DST: variants seen among roughly 807,000 people sequenced by gnomAD.
DST encodes the protein dystonin.
DST carries 253 observed loss-of-function variants against 875.2 expected under a neutral mutation model. The observed-to-expected ratio is 0.29, with a 90% CI of 0.26 to 0.32. The LOEUF (loss-of-function observed/expected upper bound fraction) is 0.32, where lower values mean the gene tolerates loss of function less well. Ranked by LOEUF, DST falls within the 10% of genes least tolerant of loss-of-function variation. DST has a pLI of 1.00. For missense variants in DST, 8,287 were observed against 9,111.6 expected, an observed-to-expected ratio of 0.91 and a Z score of 3.68; for synonymous variants, 3,124 against 3,197.1, an observed-to-expected ratio of 0.98 and a Z score of 0.77.
At chr6:56,551,852 G>A (rs1418059118) in intron 61 of DST, among the ~76,000 whole-genome samples, 1 of 152,230 alleles carries the variant, frequency 6.6e-6, no homozygotes, top group East Asian at 1.9e-4. Context: ...CTGCAATAGA[G>A]TTCAAAACAC....
rs188780330 is a variant in DST, at chr6:56,799,876, C to T, written c.625+51521G>A. 2.3e-4 allele frequency among the ~76,000 whole-genome samples: 35 copies of T among 152,222 alleles called. No homozygotes were observed. In the East Asian group the frequency reaches 3.5e-3, roughly 15 times the overall value. ...TGACTTCAAGTGATCCACCCCACCT[C>T]GGCCTCCCAACATGCTGGGATTACA... is the stretch of plus-strand genomic sequence containing the variant. On this transcript the variant is annotated intron_variant, in intron 4 of 103. Transcript: ENST00000680361.
intron 4 of DST, among the ~76,000 whole-genome samples, chr6:56,794,372 T>C (rs1194630585): frequency 6.6e-6 from 1 of 152,132 alleles, no homozygotes; most frequent in Non-Finnish European, 1.5e-5. Context: ...TTGACAGTAA[T>C]GGAATCTGTG....
chr6:56,665,325 C>A (rs1476342397), intron 10 of DST, among the ~76,000 whole-genome samples: 1 of 152,126 alleles, frequency 6.6e-6, no homozygotes, highest in Admixed American at 6.6e-5. Context: ...CTAAATTAAA[C>A]CCTCATTAAT....
At chr6:56,817,279 G>T (rs1186507603) in intron 4 of DST, among the ~76,000 whole-genome samples, 1 of 152,048 alleles carries the variant, frequency 6.6e-6, no homozygotes, top group African/African-American at 2.4e-5. Flanking sequence ...AACAAGAATA[G>T]AAATAGTTCT....
intron 3 of DST, among the ~76,000 whole-genome samples, chr6:56,883,321 T>C (rs1191420910): frequency 1.3e-5 from 2 of 152,260 alleles, no homozygotes; most frequent in Non-Finnish European, 2.9e-5. Flanking sequence ...GTCTATTTTA[T>C]ATTATTTGTT....
In DST at chr6:56,703,650, C is replaced by A. The variant is rs1014549815; in HGVS notation, c.874G>T (p.Gly292Trp). Reference protein sequence around the residue: ...QHEDVEDEDKGPREKGRMRFH... With the variant: ...QHEDVEDEDKWPREKGRMRFH... ...CAAGTTATGGGGGCGACACCTACCC[C>A]CTTATCCTCATCCTCCACATCCTCA... is the stretch of plus-strand genomic sequence containing the variant. Residue 292 changes from glycine to tryptophan, a missense_variant and splice_region_variant, in exon 7 of 104, where the codon GGG becomes TGG. Coordinates refer to ENST00000680361, the MANE Select transcript of DST (RefSeq NM_001374736.1). The A allele has an allele frequency of 7.1e-6, 7 of 983,304 alleles. No homozygotes were observed. Among genetic ancestry groups the A allele is most frequent in the African/African-American group, 1.7e-5 (1 of 57,156 alleles). The allele number at this position is 983,304 out of a possible 1,614,324, so 60.9% of individuals were successfully genotyped here.
At chr6:56,790,841 T>C (rs2099720541) in intron 4 of DST, among the ~76,000 whole-genome samples, 1 of 152,206 alleles carries the variant, frequency 6.6e-6, no homozygotes, top group Non-Finnish European at 1.5e-5. Context: ...ACAAGAAAGC[T>C]TTCCGTTGTT....
In DST at chr6:56,636,569, T is replaced by C. The variant is rs763955422; in HGVS notation, c.3048A>G (p.Thr1016=). 4.3e-6 allele frequency: 7 copies of C among 1,612,868 alleles called. No homozygotes were observed. Among genetic ancestry groups the C allele is most frequent in the African/African-American group, 2.7e-5 (2 of 74,904 alleles). ...TCTACTCACATACCTCGAAATACGC[T>C]GTGTTCTCCTTTATGTGCTGCTCCA... is the stretch of plus-strand genomic sequence containing the variant. ...QCVEQHIKEN[T]AYFEFFNDAK... The change falls in exon 23 of 104, where the codon ACA becomes ACG. Residue 1016 remains threonine, a synonymous_variant. Transcript: ENST00000680361.
At chr6:56,928,239 AGT>A (rs1471608812) in intron 2 of DST, among the ~76,000 whole-genome samples, 1 of 152,128 alleles carries the variant, frequency 6.6e-6, no homozygotes, top group Non-Finnish European at 1.5e-5. Flanking sequence ...AGAGACAGGG[AGT>A]GCTTCTCCCC....
At chr6:56,600,267 A>T in intron 44 of DST, 46 bp from the exon 45 acceptor site, 1 of 1,572,522 alleles carries the variant, frequency 6.4e-7, no homozygotes, top group Non-Finnish European at 8.7e-7. Flanking sequence ...TGGTGGTCAC[A>T]AAATCGCTAT....
chr6:56,612,173 C>T (rs1166489149), intron 37 of DST, among the ~76,000 whole-genome samples: 1 of 152,106 alleles, frequency 6.6e-6, no homozygotes, highest in Non-Finnish European at 1.5e-5. Context: ...GCGTTTGAGA[C>T]CAGCCTGAGC....
chr6:56,632,110 T>G, intron 28 of DST, 70 bp from the exon 29 acceptor site: 1 of 1,281,238 alleles, frequency 7.8e-7, no homozygotes, highest in East Asian at 2.4e-5. Flanking sequence ...TATGTTTTAA[T>G]ATGAGAATTT....
At chr6:56,825,613 C>G (rs2099779507) in intron 4 of DST, among the ~76,000 whole-genome samples, 1 of 151,424 alleles carries the variant, frequency 6.6e-6, no homozygotes, top group Non-Finnish European at 1.5e-5. Context: ...TTGCTTTTCT[C>G]TAATCTCCCT....
chr6:56,817,626 TCA>T (rs2099768121), intron 4 of DST, among the ~76,000 whole-genome samples: 1 of 152,210 alleles, frequency 6.6e-6, no homozygotes, highest in Non-Finnish European at 1.5e-5. Flanking sequence ...TTGTCATACT[TCA>T]TTTTTTATGA....
intron 4 of DST, among the ~76,000 whole-genome samples, chr6:56,801,536 G>A (rs1448718177): frequency 6.6e-6 from 1 of 151,958 alleles, no homozygotes; most frequent in African/African-American, 2.4e-5. Flanking sequence ...TGTCCAGAGA[G>A]AATTAAAATT....
chr6:56,460,892 T>G (rs2094294863), intron 102 of DST: 1 of 152,232 alleles, frequency 6.6e-6, no homozygotes, highest in Non-Finnish European at 1.5e-5. Context: ...GGAGAAGTTT[T>G]TTTTTTACAA....
Position 56,487,199 on chromosome 6 carries a change from C to T in DST, c.20952G>A (p.Glu6984=), listed in dbSNP as rs2095597851. The change falls in exon 87 of 104, where the codon GAG becomes GAA. Residue 6984 remains glutamate, a synonymous_variant. Coordinates refer to ENST00000680361, the MANE Select transcript of DST (RefSeq NM_001374736.1). ...TTNRTGRSLK[E]KTSLADDNLK... ...GGTTGTCATCAGCCAGGGAGGTTTT[C>T]TCCTTCAGAGAACGTCCAGTCCTGT... The T allele has an allele frequency of 1.2e-6, 2 of 1,613,892 alleles. No individual in the cohort carries two copies. Among genetic ancestry groups the T allele is most frequent in the African/African-American group, 1.3e-5 (1 of 75,038 alleles).
chr6:56,773,066 G>A (rs2099670719), intron 4 of DST, among the ~76,000 whole-genome samples: 1 of 152,010 alleles, frequency 6.6e-6, no homozygotes, highest in African/African-American at 2.4e-5. Context: ...GAGTAAGCCT[G>A]GAAACAGATC....
At chr6:56,771,010 A>C (rs1051534141) in intron 4 of DST, among the ~76,000 whole-genome samples, 1 of 152,024 alleles carries the variant, frequency 6.6e-6, no homozygotes, top group African/African-American at 2.4e-5. Flanking sequence ...AAAAAAAAAA[A>C]AAAAGAAAAA....
Sources: allele counts gnomAD v4.1 joint callset (sites outside exome capture counted in the v4.1 genomes callset), GRCh38; gene constraint gnomAD v4.1.1; transcripts MANE v1.5; gene names NCBI Gene and HGNC (gene_info 2026-07-23, HGNC 2026-07-21).